Variants in PLEKHS1 observed in about 807,000 individuals in gnomAD.
PLEKHS1 encodes the protein pleckstrin homology domain containing S1, also known as pleckstrin homology domain-containing family S member 1.
PLEKHS1 carries 55 observed loss-of-function variants against 51.0 expected under a neutral mutation model. That is an observed-to-expected ratio of 1.08 (90% confidence interval 0.87 to 1.35). The LOEUF (loss-of-function observed/expected upper bound fraction) is 1.35. Among genes scored for constraint, PLEKHS1 ranks in the 40% most tolerant of loss-of-function variants. The pLI is 0.00. For missense variants in PLEKHS1, 398 were observed against 423.0 expected, an observed-to-expected ratio of 0.94 and a Z score of 0.52; for synonymous variants, 153 against 144.8, an observed-to-expected ratio of 1.06 and a Z score of -0.41.
At position 113,770,425 on chromosome 10, in the gene PLEKHS1, C is replaced by T. The variant is rs373314375; in HGVS notation, c.552+525C>T. On this transcript the variant is annotated intron_variant, in intron 7 of 11. Coordinates refer to ENST00000361048, the Ensembl canonical transcript of PLEKHS1. The stretch of plus-strand genomic sequence containing the variant: ...ATATAATGTACCTGCCTCTTGAAAG[C>T]GACTTGTAATTGGACCTTCAGCTTT... Among the ~76,000 whole-genome samples, 15 of 152,294 alleles carry T rather than the reference C, an allele frequency of 9.8e-5. No individual in the cohort carries two copies. In the South Asian group the frequency reaches 2.3e-3, roughly 23 times the overall value.
At chr10:113,779,250 G>A (rs186411539) in intron 11 of PLEKHS1, among the ~76,000 whole-genome samples, 12 of 152,224 alleles carry the variant, frequency 7.9e-5, no homozygotes, top group Non-Finnish European at 1.6e-4. Flanking sequence ...CAACAATCTG[G>A]TAACTATAGT....
intron 8 of PLEKHS1, 139 bp downstream of exon 8, chr10:113,772,228 T>A: frequency 1.2e-6 from 1 of 859,284 alleles, no homozygotes; most frequent in South Asian, 1.6e-5. Context: ...GTGCTCATGG[T>A]GCTGACACTT....
At chr10:113,777,663 CA>C in intron 11 of PLEKHS1, 2 of 1,527,386 alleles carry the variant, frequency 1.3e-6, no homozygotes, top group Non-Finnish European at 1.8e-6. Context: ...AACGTGCTTA[CA>C]AAGGTGACTG....
At chr10:113,777,490 C>T (rs1278030841) in intron 11 of PLEKHS1, 1 of 1,581,326 alleles carries the variant, frequency 6.3e-7, no homozygotes, top group Non-Finnish European at 8.6e-7. Flanking sequence ...GGTTCAGGAC[C>T]TCAGATCGGC....
chr10:113,773,292 G>A (rs2134557157), intron 8 of PLEKHS1, among the ~76,000 whole-genome samples: 1 of 152,252 alleles, frequency 6.6e-6, no homozygotes, highest in Non-Finnish European at 1.5e-5. Context: ...TCTGTTTCCT[G>A]GGATGCAGTC....
exon 12 of PLEKHS1, chr10:113,780,681 A>G (rs775563659): frequency 3.1e-6 from 5 of 1,613,544 alleles, no homozygotes; most frequent in East Asian, 2.2e-5. Flanking sequence ...TCAAAATGCC[A>G]AAGTGCTGCA....
chr10:113,757,148 C>T (rs1021503588), intron 2 of PLEKHS1, among the ~76,000 whole-genome samples: 2 of 152,086 alleles, frequency 1.3e-5, no homozygotes, highest in South Asian at 4.1e-4. Flanking sequence ...CGCCTGACCT[C>T]GTGATCCACC....
chr10:113,766,726 T>C lies in PLEKHS1; in HGVS notation c.224+8T>C, dbSNP rs1213726248. 6.4e-7 allele frequency: 1 copy of C among 1,571,802 alleles called. No individual in the cohort carries two copies. The highest frequency in any genetic ancestry group is 2.0e-5 in the Admixed American group (1 of 50,252). ...TTCCATTGAAATTGATCAGTGTGTA[T>C]CCAAGCAGGAAAACTTTTATAACAA... On this transcript the variant is annotated splice_region_variant and intron_variant, in intron 4 of 11. Coordinates refer to ENST00000361048, the Ensembl canonical transcript of PLEKHS1.
At chr10:113,753,028 C>A (rs1218713503) in intron 1 of PLEKHS1, among the ~76,000 whole-genome samples, 2 of 152,178 alleles carry the variant, frequency 1.3e-5, no homozygotes, top group Non-Finnish European at 2.9e-5. Flanking sequence ...TATGCAAATG[C>A]ATTTTATAAA....
Position 113,780,793 on chromosome 10 carries a change from C to T in PLEKHS1, c.*191C>T, listed in dbSNP as rs548008350. 2,520 of 1,539,100 alleles carry T rather than the reference C, an allele frequency of 1.6e-3. 4 individuals are homozygous for T. The highest frequency in any genetic ancestry group is 2.0e-3 in the Non-Finnish European group (2,277 of 1,147,324). The stretch of plus-strand genomic sequence containing the variant: ...GAGCCAGGGAGTAACGCACCCCAGA[C>T]CCATGGCAGCAGAACCAGGATGGAG... On this transcript the variant is annotated 3_prime_UTR_variant, in exon 12 of 12. Coordinates refer to ENST00000361048, the Ensembl canonical transcript of PLEKHS1.
At chr10:113,762,009 T>C (rs999389311) in intron 2 of PLEKHS1, among the ~76,000 whole-genome samples, 17 of 152,202 alleles carry the variant, frequency 1.1e-4, no homozygotes, top group African/African-American at 3.4e-4. Context: ...TAGGAGGCTA[T>C]TCAGGTTATC....
chr10:113,758,958 T>C (rs1361133036), intron 2 of PLEKHS1, among the ~76,000 whole-genome samples: 2 of 151,600 alleles, frequency 1.3e-5, no homozygotes, highest in Non-Finnish European at 2.9e-5. Flanking sequence ...CTTGAAAAAA[T>C]GGTCCCAGTA....
chr10:113,771,799 G>A (rs772971225), intron 7 of PLEKHS1, among the ~76,000 whole-genome samples, 171 bp from the exon 8 acceptor site: 12 of 152,020 alleles, frequency 7.9e-5, no homozygotes, highest in African/African-American at 1.2e-4. Flanking sequence ...CCTCAGTGGT[G>A]ACCCAGACTC....
intron 11 of PLEKHS1, among the ~76,000 whole-genome samples, chr10:113,780,277 G>A (rs76573698): frequency 0.014 from 2,138 of 152,230 alleles, 44 homozygotes; most frequent in African/African-American, 0.049. Flanking sequence ...GTCCTGTCTG[G>A]TGGTTTCATT....
At chr10:113,765,337 T>C (rs1844112084) in intron 2 of PLEKHS1, 3 of 779,304 alleles carry the variant, frequency 3.8e-6, no homozygotes, top group East Asian at 2.4e-5. Flanking sequence ...AAGACATTCC[T>C]GAGTACTCTA....
intron 5 of PLEKHS1, 120 bp downstream of exon 5, chr10:113,767,599 T>A: frequency 3.2e-6 from 3 of 946,816 alleles, no homozygotes; most frequent in Non-Finnish European, 4.3e-6. Flanking sequence ...TCAAATGCCA[T>A]CTTGGCAATC....
At chr10:113,774,847 T>A in exon 10 of PLEKHS1, 1 of 1,613,984 alleles carries the variant, frequency 6.2e-7, no homozygotes. Flanking sequence ...AGACATCCCA[T>A]GAGTCTGTGG....
intron 2 of PLEKHS1, among the ~76,000 whole-genome samples, chr10:113,760,223 T>C (rs1593012061): frequency 2.0e-5 from 3 of 152,366 alleles, no homozygotes; most frequent in South Asian, 4.1e-4. Context: ...TAGTATTCCA[T>C]TGTATAGATG....
At position 113,778,704 on chromosome 10, in the gene PLEKHS1, C is replaced by T. The variant is rs142290501; in HGVS notation, c.*-1898C>T. 2.3e-3 allele frequency among the ~76,000 whole-genome samples: 319 copies of T among 137,250 alleles called. 15 individuals are homozygous for T. The East Asian group carries it at 0.059, about 25-fold the overall frequency. 90.0% of individuals were successfully genotyped at this position (137,250 alleles called of 152,430 possible). A position where few individuals can be genotyped will look rare whatever the true frequency, so the allele number is the denominator to read the frequency against. On this transcript the variant is annotated intron_variant, in intron 11 of 11. Coordinates refer to ENST00000361048, the Ensembl canonical transcript of PLEKHS1. ...TTTCGCCCAGGCTGGAGTGCAGTGG[C>T]GCAAACTCGGCTCACTGCAAGCTCC...
Sources: gnomAD v4.1 joint callset for allele counts (sites outside exome capture counted in the v4.1 genomes callset) on GRCh38, gnomAD v4.1.1 for gene constraint, MANE v1.5 for transcripts, NCBI Gene and HGNC (gene_info 2026-07-23, HGNC 2026-07-21) for gene names.